DGKH: variants seen among roughly 807,000 people sequenced by gnomAD.
The protein encoded by DGKH is diacylglycerol kinase eta, also known as DAG kinase eta.
Under a neutral mutation model 159.3 loss-of-function variants are expected in DGKH, and 90 were observed. That is an observed-to-expected ratio of 0.57 (90% CI 0.48 to 0.67). The LOEUF (loss-of-function observed/expected upper bound fraction) is 0.67. Among genes scored for constraint, DGKH ranks in the 30% least tolerant of loss-of-function variants. DGKH has a pLI of 0.00. For synonymous variants in DGKH, 536 were observed against 553.8 expected (o/e 0.97, Z 0.45); for missense variants, 1,181 against 1,506.1 (o/e 0.78, Z 3.57).
At chr13:42,073,250 A>G (rs1031385863) in intron 1 of DGKH, among the ~76,000 whole-genome samples, 3 of 152,170 alleles carry the variant, frequency 2.0e-5, no homozygotes, top group African/African-American at 4.8e-5. Context: ...CAGTGTATTA[A>G]TTCTTTGTTT....
intron 2 of DGKH, 88 bp downstream of exon 2, chr13:42,127,661 C>A: frequency 1.1e-6 from 1 of 941,716 alleles, no homozygotes; most frequent in South Asian, 1.4e-5. Flanking sequence ...GTCTTGGAAG[C>A]GCACTGTAGC....
chr13:42,082,637 G>A (rs1954221927), intron 1 of DGKH, among the ~76,000 whole-genome samples: 1 of 152,116 alleles, frequency 6.6e-6, no homozygotes, highest in African/African-American at 2.4e-5. Context: ...ATAATGCTAG[G>A]TTGCTCCAAG....
chr13:42,204,476 G>A (rs937385023), intron 20 of DGKH, among the ~76,000 whole-genome samples: 15 of 152,280 alleles, frequency 9.9e-5, no homozygotes, highest in Non-Finnish European at 2.1e-4. Context: ...ACCAATCCTG[G>A]CCTTCATCCA....
rs1357411937 is a variant in DGKH, at chr13:42,166,633, G to A, written c.1077G>A (p.Pro359=). The A allele has an allele frequency of 9.4e-6, 15 of 1,604,042 alleles. No homozygotes were observed. The highest frequency in any genetic ancestry group is 2.3e-5 in the East Asian group (1 of 44,370). ...GTCGCTTTAAACAGTTGCTAAATCC[G>A]GCTCAGGTGTTTGATTTAATGAATG... ...FLRRFKQLLN[P]AQVFDLMNGG... Residue 359 remains proline, a synonymous_variant, in exon 9 of 30, where the codon CCG becomes CCA. Coordinates refer to ENST00000337343, the MANE Select transcript of DGKH (RefSeq NM_178009.5).
At chr13:42,199,490 A>T (rs2138152288) in intron 18 of DGKH, 76 bp from the exon 19 acceptor site, 1 of 1,029,212 alleles carries the variant, frequency 9.7e-7, no homozygotes. Context: ...GGTTTTAAGT[A>T]CTATCTTGTG....
chr13:42,129,422 G>A, intron 2 of DGKH, 130 bp from the exon 3 acceptor site: 2 of 687,132 alleles, frequency 2.9e-6, no homozygotes, highest in Admixed American at 3.0e-5. Flanking sequence ...GGAAGAAATT[G>A]CAGAAAGTAC....
downstream of DGKH, among the ~76,000 whole-genome samples, chr13:42,244,133 A>G (rs1249365238): frequency 3.9e-5 from 6 of 152,232 alleles, no homozygotes; most frequent in Non-Finnish European, 1.5e-5. Context: ...AGACTCAGCC[A>G]TCATGGTTTC....
intron 15 of DGKH, 45 bp downstream of exon 15, chr13:42,189,354 C>G: frequency 1.9e-6 from 3 of 1,608,512 alleles, no homozygotes; most frequent in Non-Finnish European, 2.5e-6. Context: ...GGCAGCATTT[C>G]TACTGCAAGC....
intron 24 of DGKH, among the ~76,000 whole-genome samples, chr13:42,211,676 C>T (rs147605241): frequency 2.4e-4 from 37 of 152,004 alleles, no homozygotes; most frequent in East Asian, 5.8e-4. Flanking sequence ...GCAGCCTGGA[C>T]GACAGAGTGA....
intron 18 of DGKH, among the ~76,000 whole-genome samples, chr13:42,199,283 G>C (rs1957288785): frequency 6.6e-6 from 1 of 152,244 alleles, no homozygotes; most frequent in Admixed American, 6.5e-5. Context: ...TGTGTAGTGA[G>C]GAACTTAAGT....
intron 1 of DGKH, among the ~76,000 whole-genome samples, chr13:42,078,213 A>AT (rs1954135009): frequency 1.3e-5 from 2 of 152,240 alleles, no homozygotes; most frequent in African/African-American, 2.4e-5. Flanking sequence ...GCAGAAAGGG[A>AT]TTTAATTCAG....
intron 3 of DGKH, among the ~76,000 whole-genome samples, chr13:42,134,431 G>A (rs1433923508): frequency 1.3e-5 from 2 of 152,138 alleles, no homozygotes; most frequent in East Asian, 1.9e-4. Context: ...TATCTAAATT[G>A]CCTCAGGTAT....
At chr13:42,177,247 G>C (rs560242604) in intron 12 of DGKH, among the ~76,000 whole-genome samples, 1 of 140,790 alleles carries the variant, frequency 7.1e-6, no homozygotes, top group African/African-American at 2.5e-5. Context: ...AGCATAGATT[G>C]GTATCTGTTT....
intron 13 of DGKH, among the ~76,000 whole-genome samples, chr13:42,185,835 A>T (rs12585267): frequency 6.6e-6 from 1 of 152,298 alleles, no homozygotes; most frequent in Admixed American, 6.5e-5. Flanking sequence ...GAGTTTAAAA[A>T]GCCAACAAAG....
rs765248663 is a variant in DGKH, at chr13:42,155,390, T to A, written c.484T>A (p.Tyr162Asn). 7 of 1,608,088 alleles carry A rather than the reference T, an allele frequency of 4.4e-6. No individual in the cohort carries two copies. The highest frequency in any genetic ancestry group is 5.9e-6 in the Non-Finnish European group (7 of 1,178,320). The change falls in exon 4 of 30, where the codon TAC becomes AAC. Residue 162 changes from tyrosine to asparagine, a missense_variant. Tyr to Asn is a moderately radical substitution (Grantham distance 143). Coordinates refer to ENST00000337343, the MANE Select transcript of DGKH (RefSeq NM_178009.5). ...SLKSVQTREP[Y>N]EVAQFNVEHF... is the part of the protein sequence containing the mutation. ...GAAGTCTGTACAGACCAGAGAACCC[T>A]ACGAGGTAAAATAGCATCTTTTCTT... is the stretch of plus-strand genomic sequence containing the variant.
chr13:42,178,386 C>A (rs574474933), intron 13 of DGKH, among the ~76,000 whole-genome samples, 166 bp downstream of exon 13: 1 of 152,048 alleles, frequency 6.6e-6, no homozygotes, highest in South Asian at 2.1e-4. Context: ...ATCATGTTAG[C>A]ATCTTATTTG....
chr13:42,172,713 A>G (rs995050151), intron 11 of DGKH, among the ~76,000 whole-genome samples: 38 of 152,130 alleles, frequency 2.5e-4, no homozygotes, highest in African/African-American at 8.9e-4. Flanking sequence ...TGCTGTTGTC[A>G]TCGAGGCTGG....
chr13:42,218,879 A>G (rs1237948921), intron 26 of DGKH, among the ~76,000 whole-genome samples: 2 of 152,170 alleles, frequency 1.3e-5, no homozygotes. Flanking sequence ...CACTTATACA[A>G]CCAGGAAGAA....
chr13:42,225,288 A>G (rs776185540), intron 29 of DGKH: 3 of 1,587,166 alleles, frequency 1.9e-6, no homozygotes, highest in Non-Finnish European at 2.6e-6. Flanking sequence ...TTTCTTTGCT[A>G]GAACACAGTA....
Sources: allele counts gnomAD v4.1 joint callset (sites outside exome capture counted in the v4.1 genomes callset), GRCh38; gene constraint gnomAD v4.1.1; transcripts MANE v1.5; gene names NCBI Gene and HGNC (gene_info 2026-07-23, HGNC 2026-07-21).